Variants in GLIS1 observed in about 807,000 individuals in gnomAD.
GLIS1 encodes GLIS family zinc finger 1.
GLIS1 carries 24 observed loss-of-function variants against 63.8 expected under a neutral mutation model. The ratio of observed to expected loss-of-function variants is 0.38; its 90% CI spans 0.27 to 0.53. The LOEUF is 0.53. Among genes scored for constraint, GLIS1 ranks in the 20% least tolerant of loss-of-function variants. The pLI is 0.85. For synonymous variants in GLIS1, 450 were observed against 482.5 expected, an observed-to-expected ratio of 0.93 and a Z score of 0.88; for missense variants, 1,036 against 1,074.1, an observed-to-expected ratio of 0.96 and a Z score of 0.50.
In GLIS1 at chr1:53,553,825, G is replaced by A. The variant is rs527808931; in HGVS notation, c.1321-23873C>T. On this transcript the variant is annotated intron_variant, in intron 4 of 10. Transcript: ENST00000628545. ...AGGCCTTGTGGTGGGAAAAGAGACA[G>A]AGCAAGGAGGCCTGTGTGGCTGGAG... Among the ~76,000 whole-genome samples the A allele has an allele frequency of 4.6e-5, 7 of 152,342 alleles. No homozygotes were observed. The East Asian group carries it at 1.4e-3, about 29-fold the overall frequency.
intron 2 of GLIS1, among the ~76,000 whole-genome samples, chr1:53,629,461 G>A (rs1198794259): frequency 6.6e-6 from 1 of 152,166 alleles, no homozygotes; most frequent in African/African-American, 2.4e-5. Context: ...GCTCTTAATG[G>A]TGCCCTAGAA....
At position 53,639,230 on chromosome 1, in the gene GLIS1, C is replaced by T. The variant is rs1645759485; in HGVS notation, c.260-38952G>A. 6.6e-6 allele frequency among the ~76,000 whole-genome samples: 1 copy of T among 152,202 alleles called. No homozygotes were observed. The highest frequency in any genetic ancestry group is 2.4e-5 in the African/African-American group (1 of 41,452). ...GAGTACCCACATGACACTGGCCACA[C>T]TCTCCAGCATTACACTAAGGGAGCT... On this transcript the variant is annotated intron_variant, in intron 2 of 10. Transcript: ENST00000628545. This position sits in a 1 kb window ranked among gnomAD's most constrained non-coding sequence, Gnocchi z 4.6.
At chr1:53,597,910 G>GA (rs75177515) in intron 3 of GLIS1, among the ~76,000 whole-genome samples, 80,747 of 151,300 alleles carry the variant, frequency 0.53, 24,528 homozygotes, top group Admixed American at 0.69. Flanking sequence ...TCTAGCAAAA[G>GA]AAAAAAAAAT....
intron 4 of GLIS1, among the ~76,000 whole-genome samples, chr1:53,538,921 A>G (rs1644610187): frequency 6.6e-6 from 1 of 152,074 alleles, no homozygotes. Flanking sequence ...TCACCCTTCC[A>G]GGGCATGTGG....
rs1391151653 is a variant in GLIS1, at chr1:53,598,069, GC to G, written c.437+2031del. Among the ~76,000 whole-genome samples the G allele has an allele frequency of 6.6e-6, 1 of 152,164 alleles. No homozygotes were observed. The highest frequency in any genetic ancestry group is 1.5e-5 in the Non-Finnish European group (1 of 68,030). ...TTTGACTGTCACCAAACAATGCACG[GC>G]TCAAAAACTATAAGACGCTTGCTCC... On this transcript the variant is annotated intron_variant, in intron 3 of 10. Transcript: ENST00000628545. This position sits in a 1 kb window ranked among gnomAD's most constrained non-coding sequence, Gnocchi z 4.6.
intron 4 of GLIS1, among the ~76,000 whole-genome samples, chr1:53,585,745 C>T (rs1402350890): frequency 6.6e-6 from 1 of 152,200 alleles, no homozygotes; most frequent in Non-Finnish European, 1.5e-5. Flanking sequence ...TGTCTGTACT[C>T]AGAGGCCTGG....
At chr1:53,668,915 G>C (rs1217502926) in intron 2 of GLIS1, among the ~76,000 whole-genome samples, 1 of 152,162 alleles carries the variant, frequency 6.6e-6, no homozygotes, top group Non-Finnish European at 1.5e-5. Context: ...GATAGGATCA[G>C]GTCTGGGTTC....
intron 2 of GLIS1, among the ~76,000 whole-genome samples, chr1:53,648,310 C>T (rs2100317659): frequency 6.6e-6 from 1 of 152,256 alleles, no homozygotes; most frequent in African/African-American, 2.4e-5. Context: ...CACACTAAGA[C>T]ACCAACACAC....
chr1:53,552,629 C>T (rs1644771285), intron 4 of GLIS1, among the ~76,000 whole-genome samples: 1 of 152,150 alleles, frequency 6.6e-6, no homozygotes. Flanking sequence ...CTAATAGAAA[C>T]ACTTGCCCTC....
At chr1:53,607,121 G>A (rs1645378630) in intron 2 of GLIS1, among the ~76,000 whole-genome samples, 1 of 79,146 alleles carries the variant, frequency 1.3e-5, no homozygotes, top group Non-Finnish European at 3.0e-5. Context: ...ATCAGAAGGT[G>A]TACCTAGGCA....
intron 4 of GLIS1, among the ~76,000 whole-genome samples, chr1:53,566,088 C>A (rs1460900554): frequency 6.6e-6 from 1 of 152,144 alleles, no homozygotes; most frequent in African/African-American, 2.4e-5. Flanking sequence ...ATTATGATAA[C>A]CTCAATAGAC....
At chr1:53,614,967 T>A (rs887793895) in intron 2 of GLIS1, among the ~76,000 whole-genome samples, 4 of 152,180 alleles carry the variant, frequency 2.6e-5, no homozygotes, top group Admixed American at 2.6e-4. Flanking sequence ...CATAAATTTT[T>A]AAATAATTTT....
intron 3 of GLIS1, among the ~76,000 whole-genome samples, chr1:53,599,553 T>C (rs1460955059): frequency 1.3e-5 from 2 of 152,236 alleles, no homozygotes; most frequent in African/African-American, 2.4e-5. Context: ...ATTCTGTCAA[T>C]ATGTAACAGA....
intron 2 of GLIS1, among the ~76,000 whole-genome samples, chr1:53,610,739 G>A (rs1557479917): frequency 6.6e-6 from 1 of 152,130 alleles, no homozygotes; most frequent in Non-Finnish European, 1.5e-5. Context: ...AAAACTACTG[G>A]CTATTACCAC....
At chr1:53,702,485 G>A (rs1029092790) in intron 2 of GLIS1, among the ~76,000 whole-genome samples, 4 of 152,216 alleles carry the variant, frequency 2.6e-5, no homozygotes, top group Non-Finnish European at 5.9e-5. Flanking sequence ...CTGGGAGAGG[G>A]TGGCAGGGGT....
chr1:53,717,743 C>T (rs1646714825), intron 2 of GLIS1, among the ~76,000 whole-genome samples: 2 of 152,178 alleles, frequency 1.3e-5, no homozygotes, highest in South Asian at 4.1e-4. Flanking sequence ...TTATATTTAA[C>T]TTGTTTACTT....
chr1:53,529,753 C>T (rs1234124597), intron 5 of GLIS1, 38 bp downstream of exon 5: 1 of 1,593,700 alleles, frequency 6.3e-7, no homozygotes, highest in African/African-American at 1.3e-5. Flanking sequence ...GTGTGGCCAT[C>T]CTCCACCCCG....
intron 2 of GLIS1, among the ~76,000 whole-genome samples, chr1:53,625,782 TC>T (rs1278230502): frequency 6.6e-6 from 1 of 151,956 alleles, no homozygotes; most frequent in Admixed American, 6.6e-5. Flanking sequence ...TAATTCCCAA[TC>T]CCCCCTTCAG....
intron 4 of GLIS1, among the ~76,000 whole-genome samples, chr1:53,548,868 C>A (rs2100395379): frequency 6.6e-6 from 1 of 152,270 alleles, no homozygotes; most frequent in East Asian, 1.9e-4. Context: ...CAAGCATTAC[C>A]ACAATCAATT....
Sources: allele counts gnomAD v4.1 joint callset (sites outside exome capture counted in the v4.1 genomes callset), GRCh38; gene constraint gnomAD v4.1.1; non-coding constraint Gnocchi (gnomAD v3.1); transcripts MANE v1.5; gene names NCBI Gene and HGNC (gene_info 2026-07-23, HGNC 2026-07-21).